Variants in LGR6 observed in about 807,000 individuals in gnomAD.
The protein encoded by LGR6 is leucine-rich repeat-containing G protein-coupled receptor 6.
Under a neutral mutation model 69.4 loss-of-function variants are expected in LGR6, and 45 were observed. That is an observed-to-expected ratio of 0.65 (90% CI 0.51 to 0.83). The LOEUF (loss-of-function observed/expected upper bound fraction) is 0.83. Ranked by LOEUF, LGR6 falls within the 40% of genes least tolerant of loss-of-function variation. The pLI is 0.00. For synonymous variants in LGR6, 538 were observed against 555.0 expected (o/e 0.97, Z 0.43); for missense variants, 1,108 against 1,246.7 (o/e 0.89, Z 1.68).
chr1:202,316,182 A>G (rs1654127407), intron 17 of LGR6, among the ~76,000 whole-genome samples: 1 of 152,196 alleles, frequency 6.6e-6, no homozygotes, highest in South Asian at 2.1e-4. Flanking sequence ...TAGGTAATTT[A>G]TAAAGGAAAG....
At chr1:202,264,010 T>C (rs1393706601) in intron 4 of LGR6, among the ~76,000 whole-genome samples, 2 of 151,876 alleles carry the variant, frequency 1.3e-5, no homozygotes, top group East Asian at 3.9e-4. Context: ...GTGTAGTCTG[T>C]GTGAGTGGAT....
rs754743206 is a variant in LGR6 at position 202,234,799 on chromosome 1, G to A, written c.357-1123G>A. 7.9e-5 allele frequency among the ~76,000 whole-genome samples: 12 copies of A among 152,262 alleles called. 1 individual carries two copies. Among genetic ancestry groups the A allele is most frequent in the Non-Finnish European group, 1.2e-4 (8 of 68,012 alleles). ...GAAATTGGGCTACTCTTCCTGAAGC[G>A]TGGAATTACCTTAATGATTGTGCAC... On this transcript the variant is annotated intron_variant, in intron 3 of 17. Coordinates refer to ENST00000367278, the MANE Select transcript of LGR6 (RefSeq NM_001017403.2).
At chr1:202,306,637 C>T (rs374320779) in intron 12 of LGR6, 10 of 572,410 alleles carry the variant, frequency 1.7e-5, no homozygotes, top group African/African-American at 1.5e-4. Context: ...AAGCTGACTC[C>T]CTTTTGGGCC....
chr1:202,231,427 C>CA (rs1477108016), intron 3 of LGR6, among the ~76,000 whole-genome samples: 1 of 152,164 alleles, frequency 6.6e-6, no homozygotes, highest in East Asian at 1.9e-4. Flanking sequence ...GTACATGAGG[C>CA]AAGGCCTGCT....
intron 1 of LGR6, among the ~76,000 whole-genome samples, chr1:202,216,726 C>T (rs1659810037): frequency 6.6e-6 from 1 of 152,198 alleles, no homozygotes; most frequent in Non-Finnish European, 1.5e-5. Context: ...TCTCAGGTCA[C>T]ACTGTGGCTC....
chr1:202,257,838 A>G (rs566198772), intron 4 of LGR6, among the ~76,000 whole-genome samples: 2 of 152,232 alleles, frequency 1.3e-5, no homozygotes, highest in South Asian at 2.1e-4. Flanking sequence ...CAGCTTGTCA[A>G]CTTCTGAAAA....
intron 1 of LGR6, among the ~76,000 whole-genome samples, chr1:202,210,327 G>A (rs953982944): frequency 6.6e-6 from 1 of 151,516 alleles, no homozygotes; most frequent in Non-Finnish European, 1.5e-5. Flanking sequence ...CAAGCCCTCT[G>A]CACATGGATG....
chr1:202,233,017 A>G (rs1661219738), intron 3 of LGR6, among the ~76,000 whole-genome samples: 1 of 152,234 alleles, frequency 6.6e-6, no homozygotes, highest in Non-Finnish European at 1.5e-5. Context: ...GCCAAAGCCG[A>G]CTGCCATGCT....
intron 1 of LGR6, chr1:202,197,561 C>G (rs1658690322): frequency 2.2e-6 from 1 of 450,500 alleles, no homozygotes; most frequent in Non-Finnish European, 4.5e-6. Context: ...GACATCCAAT[C>G]TGATGGTGAC....
intron 10 of LGR6, among the ~76,000 whole-genome samples, chr1:202,304,015 C>T (rs1000755062): frequency 2.0e-4 from 30 of 152,190 alleles, no homozygotes; most frequent in African/African-American, 6.5e-4. Flanking sequence ...ACACCCTGCC[C>T]GAAGCCAAGC....
chr1:202,243,969 GTTT>G (rs869108562), intron 4 of LGR6, among the ~76,000 whole-genome samples: 1 of 138,948 alleles, frequency 7.2e-6, no homozygotes, highest in Non-Finnish European at 1.6e-5. Flanking sequence ...TGTTGTTGTT[GTTT>G]TTGAGATGGA....
intron 4 of LGR6, among the ~76,000 whole-genome samples, chr1:202,245,919 C>T (rs1662623052): frequency 1.3e-5 from 2 of 152,126 alleles, no homozygotes; most frequent in Admixed American, 1.3e-4. Flanking sequence ...TCCATTCATC[C>T]TTGCATCCAT....
intron 6 of LGR6, among the ~76,000 whole-genome samples, chr1:202,287,635 C>T (rs568431729): frequency 2.0e-5 from 3 of 152,302 alleles, no homozygotes; most frequent in African/African-American, 7.2e-5. Flanking sequence ...CAGAAGTCTT[C>T]CCCAGCTCAG....
intron 4 of LGR6, among the ~76,000 whole-genome samples, chr1:202,253,754 G>A (rs1176290656): frequency 1.7e-4 from 21 of 121,274 alleles, no homozygotes; most frequent in African/African-American, 3.2e-4. Context: ...TCAGCCTCCC[G>A]AGTAGCTGGG....
chr1:202,251,795 C>T (rs1663270647), intron 4 of LGR6, among the ~76,000 whole-genome samples: 1 of 152,182 alleles, frequency 6.6e-6, no homozygotes, highest in South Asian at 2.1e-4. Context: ...GTAAAACCCC[C>T]CTCAGAACAT....
At chr1:202,223,246 G>A (rs1305694503) in intron 1 of LGR6, among the ~76,000 whole-genome samples, 2 of 152,250 alleles carry the variant, frequency 1.3e-5, no homozygotes, top group African/African-American at 4.8e-5. Flanking sequence ...GGGAGGGAAT[G>A]GTAGATGAGA....
rs1205749974 is a variant in LGR6 at position 202,193,955 on chromosome 1, C to T, written c.-35C>T. ...GGCCATCGCGCCGTGCGTCCGCGCC[C>T]GGCCGCCAGGTGCCCCAGTAGCCCG... On this transcript the variant is annotated 5_prime_UTR_variant, in exon 1 of 18. Transcript: ENST00000367278. The T allele has an allele frequency of 7.8e-7, 1 of 1,274,236 alleles. No individual in the cohort carries two copies. The highest frequency in any genetic ancestry group is 1.0e-6 in the Non-Finnish European group (1 of 1,004,796). 78.9% of individuals were successfully genotyped at this position (1,274,236 alleles called of 1,614,324 possible).
At chr1:202,308,616 T>C (rs1207326649) in intron 14 of LGR6, among the ~76,000 whole-genome samples, 2 of 152,136 alleles carry the variant, frequency 1.3e-5, no homozygotes, top group South Asian at 4.1e-4. Flanking sequence ...TCAGCCCTCT[T>C]ATATCATCAG....
At chr1:202,305,430 G>A (rs902490587) in intron 11 of LGR6, among the ~76,000 whole-genome samples, 4 of 152,090 alleles carry the variant, frequency 2.6e-5, no homozygotes, top group African/African-American at 4.8e-5. Context: ...TCTTCACCAC[G>A]CCCCTCTCAC....
Sources: allele counts gnomAD v4.1 joint callset (sites outside exome capture counted in the v4.1 genomes callset), GRCh38; gene constraint gnomAD v4.1.1; transcripts MANE v1.5; gene names NCBI Gene and HGNC (gene_info 2026-07-23, HGNC 2026-07-21).